Variants in PRR16 observed in about 807,000 individuals in gnomAD.
PRR16 encodes the protein protein Largen.
In PRR16, 6 loss-of-function variants were observed where a neutral mutation model predicts 18.2. The observed-to-expected ratio is 0.33, with a 90% CI of 0.18 to 0.65. The LOEUF (loss-of-function observed/expected upper bound fraction) is 0.65. Among genes scored for constraint, PRR16 ranks in the 30% least tolerant of loss-of-function variants. The pLI is 0.74. For synonymous variants in PRR16, 151 were observed against 147.8 expected (o/e 1.02, Z -0.16); for missense variants, 412 against 376.6 (o/e 1.09, Z -0.78).
intron 1 of PRR16, among the ~76,000 whole-genome samples, chr5:120,646,133 G>A (rs947794882): frequency 1.4e-5 from 2 of 146,434 alleles, no homozygotes; most frequent in Admixed American, 7.1e-5. Context: ...TGTAAAAGTG[G>A]CATGGGGTTT....
At chr5:120,759,509 C>T in the PRR16 span, among the ~76,000 whole-genome samples, 3 of 151,824 alleles carry the variant, frequency 2.0e-5, no homozygotes, top group Non-Finnish European at 4.4e-5. Context: ...AAGTGGCTTC[C>T]ATGGGCTCAG....
chr5:120,673,418 C>T (rs552754557), intron 1 of PRR16, among the ~76,000 whole-genome samples: 2 of 152,236 alleles, frequency 1.3e-5, no homozygotes, highest in East Asian at 3.9e-4. Context: ...TTTTATGGGT[C>T]TTTAAAAAGC....
the PRR16 span, among the ~76,000 whole-genome samples, chr5:120,754,409 T>C: frequency 1.0e-5 from 1 of 100,482 alleles, no homozygotes; most frequent in Admixed American, 1.5e-4. Context: ...TATTATACTA[T>C]ATACTATATA....
In PRR16 at chr5:120,464,432, C is replaced by A; in HGVS notation, c.-55C>A. On this transcript the variant is annotated 5_prime_UTR_variant, in exon 1 of 2. Coordinates refer to ENST00000407149, the MANE Select transcript of PRR16 (RefSeq NM_001300783.2). ...CGTAGCAGCGCCAGGGACGGGGGCACGCAGCAGCCTCCGCTCGCCCGCCTG... is the reference window on the plus strand; with the variant it reads ...CGTAGCAGCGCCAGGGACGGGGGCAAGCAGCAGCCTCCGCTCGCCCGCCTG... 2.0e-6 allele frequency: 3 copies of A among 1,502,544 alleles called. No individual in the cohort carries two copies. In the Admixed American group the frequency reaches 6.1e-5, roughly 30 times the overall value. The allele number at this position is 1,502,544 out of a possible 1,614,324, so 93.1% of individuals were successfully genotyped here.
At chr5:120,670,378 T>C (rs1156453407) in intron 1 of PRR16, among the ~76,000 whole-genome samples, 1 of 152,118 alleles carries the variant, frequency 6.6e-6, no homozygotes. Flanking sequence ...CTGTAAAATA[T>C]CAATTTTCAA....
chr5:120,711,223 C>T, the PRR16 span, among the ~76,000 whole-genome samples: 50 of 152,294 alleles, frequency 3.3e-4, no homozygotes, highest in African/African-American at 1.2e-3. Flanking sequence ...ACAGCATATT[C>T]ATGGAGTATG....
At chr5:120,600,968 C>T (rs1026978109) in intron 1 of PRR16, among the ~76,000 whole-genome samples, 1 of 151,848 alleles carries the variant, frequency 6.6e-6, no homozygotes, top group Non-Finnish European at 1.5e-5. Flanking sequence ...TTATCCGGCC[C>T]ACCATTAATG....
At chr5:120,719,108 C>G in the PRR16 span, among the ~76,000 whole-genome samples, 2 of 151,944 alleles carry the variant, frequency 1.3e-5, no homozygotes, top group Non-Finnish European at 2.9e-5. Flanking sequence ...TGTAAGGTAT[C>G]TTAAAGATTT....
chr5:120,696,825 T>C, the PRR16 span, among the ~76,000 whole-genome samples: 1 of 152,240 alleles, frequency 6.6e-6, no homozygotes, highest in Non-Finnish European at 1.5e-5. Context: ...GTAATGCATA[T>C]GTTAAATAGC....
chr5:120,527,242 G>A (rs1233467146), intron 1 of PRR16, among the ~76,000 whole-genome samples: 2 of 152,108 alleles, frequency 1.3e-5, no homozygotes, highest in Non-Finnish European at 2.9e-5. Flanking sequence ...CAAAATAATT[G>A]AGTCCAACTT....
chr5:120,742,776 T>C, the PRR16 span, among the ~76,000 whole-genome samples: 1 of 152,210 alleles, frequency 6.6e-6, no homozygotes, highest in Admixed American at 6.5e-5. Flanking sequence ...AAGTCCACAA[T>C]GAGTCTCATG....
At chr5:120,785,198 T>G in the PRR16 span, among the ~76,000 whole-genome samples, 1 of 152,172 alleles carries the variant, frequency 6.6e-6, no homozygotes, top group South Asian at 2.1e-4. Context: ...CCATGAGAGT[T>G]TTGACAAGTG....
chr5:120,670,887 T>C (rs986458224), intron 1 of PRR16, among the ~76,000 whole-genome samples: 5 of 152,198 alleles, frequency 3.3e-5, no homozygotes, highest in Non-Finnish European at 7.4e-5. Flanking sequence ...GATTTGCTTA[T>C]GACAAGAATA....
intron 1 of PRR16, among the ~76,000 whole-genome samples, chr5:120,594,937 A>C (rs1032435504): frequency 2.0e-5 from 3 of 152,152 alleles, no homozygotes; most frequent in African/African-American, 7.2e-5. Context: ...AATTCCTTAC[A>C]CCATATACAA....
chr5:120,538,176 A>T (rs893398271), intron 1 of PRR16, among the ~76,000 whole-genome samples: 2 of 152,238 alleles, frequency 1.3e-5, no homozygotes, highest in South Asian at 2.1e-4. Flanking sequence ...GATTTCATTT[A>T]TGTTGAATAC....
chr5:120,593,510 T>A (rs1480978325), intron 1 of PRR16, among the ~76,000 whole-genome samples: 2 of 129,748 alleles, frequency 1.5e-5, no homozygotes, highest in African/African-American at 5.4e-5. Context: ...CAGTAATAAA[T>A]ACCCTACCAA....
At chr5:120,596,131 A>G (rs1226906719) in intron 1 of PRR16, among the ~76,000 whole-genome samples, 8 of 80,574 alleles carry the variant, frequency 9.9e-5, no homozygotes, top group South Asian at 5.0e-4. Context: ...TATTTTTTTT[A>G]TCTCTTGTCT....
chr5:120,635,394 C>T (rs1755193675), intron 1 of PRR16, among the ~76,000 whole-genome samples: 1 of 152,134 alleles, frequency 6.6e-6, no homozygotes, highest in East Asian at 1.9e-4. Context: ...ATGAATCCAA[C>T]AGCGTATCAA....
chr5:120,720,082 T>C, the PRR16 span, among the ~76,000 whole-genome samples: 1 of 152,012 alleles, frequency 6.6e-6, no homozygotes, highest in East Asian at 1.9e-4. Flanking sequence ...TATTATTTTA[T>C]TGATATTTCA....
Sources: allele counts gnomAD v4.1 joint callset (sites outside exome capture counted in the v4.1 genomes callset), GRCh38; gene constraint gnomAD v4.1.1; transcripts MANE v1.5; gene names NCBI Gene and HGNC (gene_info 2026-07-23, HGNC 2026-07-21).